SORCS3: variants seen among roughly 807,000 people sequenced by gnomAD.
The protein encoded by SORCS3 is VPS10 domain-containing receptor SorCS3.
In SORCS3, 57 loss-of-function variants were observed where a neutral mutation model predicts 146.3. That is an observed-to-expected ratio of 0.39 (90% CI 0.31 to 0.49). The LOEUF is 0.49. SORCS3 is among the 20% of genes least tolerant of loss of function. The pLI is 0.92. For synonymous variants in SORCS3, 653 were observed against 618.5 expected (o/e 1.06, Z -0.83); for missense variants, 1,341 against 1,575.5 (o/e 0.85, Z 2.52).
intron 3 of SORCS3, among the ~76,000 whole-genome samples, chr10:104,975,350 C>A (rs1368482305): frequency 6.6e-6 from 1 of 152,106 alleles, no homozygotes; most frequent in South Asian, 2.1e-4. Context: ...ATCCAACTTA[C>A]AAGGGATGTG....
intron 11 of SORCS3, among the ~76,000 whole-genome samples, chr10:105,159,942 C>T (rs1007272999): frequency 1.3e-5 from 2 of 152,178 alleles, no homozygotes; most frequent in African/African-American, 4.8e-5. Context: ...ATGGTTGACA[C>T]CACAGTGGTA....
chr10:105,129,613 C>T (rs1340644986), intron 7 of SORCS3, among the ~76,000 whole-genome samples: 1 of 151,544 alleles, frequency 6.6e-6, no homozygotes, highest in African/African-American at 2.4e-5. Context: ...AAGTTCGTAT[C>T]TGTCCTTTTG....
At chr10:104,742,682 A>G (rs1014135304) in intron 1 of SORCS3, among the ~76,000 whole-genome samples, 5 of 152,232 alleles carry the variant, frequency 3.3e-5, no homozygotes, top group African/African-American at 4.8e-5. Flanking sequence ...GGCCCCATCC[A>G]GCAGACCTCT....
chr10:104,658,479 G>C (rs993185324), intron 1 of SORCS3, among the ~76,000 whole-genome samples: 1 of 152,216 alleles, frequency 6.6e-6, no homozygotes, highest in Non-Finnish European at 1.5e-5. Context: ...TGCTCAGGCT[G>C]GAGTATGCAA....
intron 4 of SORCS3, among the ~76,000 whole-genome samples, chr10:105,025,390 C>T (rs952125899): frequency 2.6e-5 from 4 of 152,136 alleles, no homozygotes; most frequent in Admixed American, 2.6e-4. Context: ...ACTACATTTA[C>T]GGTGGCTATG....
At chr10:104,875,858 T>C (rs1280403886) in intron 2 of SORCS3, among the ~76,000 whole-genome samples, 2 of 152,154 alleles carry the variant, frequency 1.3e-5, no homozygotes, top group African/African-American at 4.8e-5. Context: ...TTATTTGTGG[T>C]TTTGAATCTC....
intron 4 of SORCS3, among the ~76,000 whole-genome samples, chr10:105,002,998 G>A (rs1008271526): frequency 2.0e-5 from 3 of 152,116 alleles, no homozygotes; most frequent in Non-Finnish European, 2.9e-5. Context: ...TACTATCCCC[G>A]TTTCATAGAT....
chr10:104,736,699 T>A (rs17117597), intron 1 of SORCS3, among the ~76,000 whole-genome samples: 1,630 of 152,202 alleles, frequency 0.011, 29 homozygotes, highest in African/African-American at 0.037. Flanking sequence ...CAGGTGAACC[T>A]TTTCTTTTCT....
intron 1 of SORCS3, among the ~76,000 whole-genome samples, chr10:104,708,808 C>T (rs540072444): frequency 7.2e-4 from 109 of 152,318 alleles, no homozygotes; most frequent in Admixed American, 2.4e-3. Flanking sequence ...GGTGCCTTTG[C>T]CAGCTCATGC....
At chr10:104,678,510 A>T (rs1238442875) in intron 1 of SORCS3, among the ~76,000 whole-genome samples, 1 of 152,202 alleles carries the variant, frequency 6.6e-6, no homozygotes, top group Non-Finnish European at 1.5e-5. Flanking sequence ...CCAGTGCTGG[A>T]AAGTGAGTTA....
At chr10:104,719,909 T>A (rs2016524370) in intron 1 of SORCS3, among the ~76,000 whole-genome samples, 1 of 152,086 alleles carries the variant, frequency 6.6e-6, no homozygotes, top group African/African-American at 2.4e-5. Flanking sequence ...GATGAAAGAT[T>A]TCCCCACTTT....
chr10:105,260,898 G>A (rs2056956638), intron 25 of SORCS3, among the ~76,000 whole-genome samples: 1 of 152,088 alleles, frequency 6.6e-6, no homozygotes, highest in African/African-American at 2.4e-5. Context: ...CCTTTGATGA[G>A]GTAAGAGGGG....
intron 1 of SORCS3, among the ~76,000 whole-genome samples, chr10:104,827,534 G>T (rs570685443): frequency 2.0e-5 from 3 of 152,142 alleles, no homozygotes; most frequent in Non-Finnish European, 4.4e-5. Context: ...GCTGTAAAAA[G>T]ATGTGCTGTC....
chr10:104,995,040 C>A (rs2055015951), intron 4 of SORCS3, among the ~76,000 whole-genome samples: 2 of 152,060 alleles, frequency 1.3e-5, no homozygotes, highest in South Asian at 4.1e-4. Context: ...GCTATTTTTT[C>A]ATTTCCACTA....
chr10:104,962,545 C>G (rs2054802159), intron 3 of SORCS3, among the ~76,000 whole-genome samples: 1 of 152,094 alleles, frequency 6.6e-6, no homozygotes, highest in African/African-American at 2.4e-5. Context: ...GCTGTTTTTC[C>G]TGTCCACACT....
chr10:104,681,925 C>T (rs2015982273), intron 1 of SORCS3, among the ~76,000 whole-genome samples: 3 of 151,976 alleles, frequency 2.0e-5, no homozygotes, highest in Admixed American at 2.0e-4. Context: ...TCTTTTTTTT[C>T]CTGCCTTAGT....
At chr10:104,902,892 A>C (rs1470074784) in intron 2 of SORCS3, among the ~76,000 whole-genome samples, 1 of 152,178 alleles carries the variant, frequency 6.6e-6, no homozygotes, top group African/African-American at 2.4e-5. Flanking sequence ...CAGGAATTCT[A>C]ACCTAATTTT....
chr10:104,841,952 G>A (rs1264007221), intron 1 of SORCS3, among the ~76,000 whole-genome samples: 1 of 152,220 alleles, frequency 6.6e-6, no homozygotes. Flanking sequence ...CCTTTTAAAT[G>A]TGGAGCTGTG....
chr10:104,688,077 T>G (rs2016068916), intron 1 of SORCS3, among the ~76,000 whole-genome samples: 1 of 152,186 alleles, frequency 6.6e-6, no homozygotes, highest in Admixed American at 6.5e-5. Flanking sequence ...ACAAATACAT[T>G]TATGTGTTGT....
Sources: gnomAD v4.1 joint callset for allele counts (sites outside exome capture counted in the v4.1 genomes callset) on GRCh38, gnomAD v4.1.1 for gene constraint, MANE v1.5 for transcripts, NCBI Gene and HGNC (gene_info 2026-07-23, HGNC 2026-07-21) for gene names.